The following CFAP61 variants were observed in gnomAD, a reference collection of about 807,000 sequenced individuals.
CFAP61 encodes the protein cilia- and flagella-associated protein 61.
In CFAP61, 107 loss-of-function variants were observed where a neutral mutation model predicts 135.6. The observed-to-expected ratio is 0.79, with a 90% CI of 0.67 to 0.93. The LOEUF is 0.93. Among genes scored for constraint, CFAP61 ranks in the 40% least tolerant of loss-of-function variants. The pLI is 0.00. For missense variants in CFAP61, 1,507 were observed against 1,556.2 expected (o/e 0.97, Z 0.53); for synonymous variants, 575 against 578.5 (o/e 0.99, Z 0.09).
intron 17 of CFAP61, 143 bp downstream of exon 17, chr20:20,200,045 C>CGCGAAGGCTCCCCTGCAGCCCT: frequency 1.0e-6 from 1 of 968,098 alleles, no homozygotes; most frequent in South Asian, 1.6e-5. Flanking sequence ...GGCGGAGCCC[C>CGCGAAGGCTCCCCTGCAGCCCT]GCGAAGGCTC....
chr20:20,056,318 C>A (rs1004204799), intron 1 of CFAP61, among the ~76,000 whole-genome samples: 1 of 152,228 alleles, frequency 6.6e-6, no homozygotes, highest in Non-Finnish European at 1.5e-5. Flanking sequence ...GACCCTGAAT[C>A]CGTAAATAAT....
chr20:20,066,945 A>T (rs1168911911), intron 2 of CFAP61, among the ~76,000 whole-genome samples: 1 of 152,140 alleles, frequency 6.6e-6, no homozygotes, highest in African/African-American at 2.4e-5. Flanking sequence ...GATGATGTAA[A>T]CATTGACTTC....
chr20:20,153,825 A>G (rs2052652507), intron 9 of CFAP61, among the ~76,000 whole-genome samples: 1 of 152,150 alleles, frequency 6.6e-6, no homozygotes, highest in African/African-American at 2.4e-5. Context: ...GTTCCAGAAG[A>G]TAAAGAAAGA....
chr20:20,215,110 A>G (rs1295124332), intron 17 of CFAP61: 1 of 151,968 alleles, frequency 6.6e-6, no homozygotes. Flanking sequence ...TTGCATGTTG[A>G]GATTGTGTTG....
chr20:20,059,429 C>CTA (rs1568796962), intron 2 of CFAP61, among the ~76,000 whole-genome samples: 1 of 149,866 alleles, frequency 6.7e-6, no homozygotes, highest in Non-Finnish European at 1.5e-5. Flanking sequence ...CCAACCTGGC[C>CTA]TATATGGCAA....
chr20:20,150,028 G>T (rs973570408), intron 9 of CFAP61, among the ~76,000 whole-genome samples: 1 of 152,134 alleles, frequency 6.6e-6, no homozygotes, highest in Non-Finnish European at 1.5e-5. Flanking sequence ...TAAACTTGTC[G>T]CTCTTAGCAG....
At chr20:20,282,357 C>G (rs2054259560) in intron 22 of CFAP61, among the ~76,000 whole-genome samples, 2 of 152,030 alleles carry the variant, frequency 1.3e-5, no homozygotes, top group African/African-American at 4.8e-5. Flanking sequence ...TTTGGATTTA[C>G]TTTACCCTTC....
intron 10 of CFAP61, 91 bp downstream of exon 10, chr20:20,159,535 C>T (rs111500774): frequency 4.8e-5 from 53 of 1,112,066 alleles, no homozygotes; most frequent in African/African-American, 4.5e-4. Context: ...CTTTCCTCCT[C>T]CCAATCTCCC....
At chr20:20,239,462 C>T (rs1277205405) in intron 18 of CFAP61, among the ~76,000 whole-genome samples, 1 of 152,132 alleles carries the variant, frequency 6.6e-6, no homozygotes, top group East Asian at 1.9e-4. Flanking sequence ...CCAGAAGGAC[C>T]TTTATGCCAC....
chr20:20,336,358 G>C (rs1461838275), intron 25 of CFAP61, among the ~76,000 whole-genome samples: 2 of 152,082 alleles, frequency 1.3e-5, no homozygotes, highest in Non-Finnish European at 2.9e-5. Flanking sequence ...AGAAAATTTT[G>C]GGCCAGGCCT....
chr20:20,059,822 A>G (rs1452790478), intron 2 of CFAP61, among the ~76,000 whole-genome samples: 1 of 150,988 alleles, frequency 6.6e-6, no homozygotes, highest in East Asian at 1.9e-4. Context: ...CTCAACACAA[A>G]GAGAAAAAAT....
At chr20:20,087,201 T>A (rs11906523) in intron 6 of CFAP61, among the ~76,000 whole-genome samples, 7,112 of 152,156 alleles carry the variant, frequency 0.047, 553 homozygotes, top group African/African-American at 0.16. Flanking sequence ...GTATATTGCA[T>A]GATGCTGAGA....
At chr20:20,162,690 A>T (rs77937047) in intron 10 of CFAP61, among the ~76,000 whole-genome samples, 1,715 of 152,338 alleles carry the variant, frequency 0.011, 36 homozygotes, top group African/African-American at 0.04. Flanking sequence ...GAGGGGAGAA[A>T]AAAGGAAGCT....
chr20:20,209,879 A>G (rs1301947780), intron 17 of CFAP61, among the ~76,000 whole-genome samples: 1 of 152,030 alleles, frequency 6.6e-6, no homozygotes, highest in Non-Finnish European at 1.5e-5. Context: ...CTGAGTTCAG[A>G]ACATCAGCTT....
intron 21 of CFAP61, among the ~76,000 whole-genome samples, chr20:20,267,251 C>A (rs1272231049): frequency 1.3e-5 from 2 of 152,074 alleles, no homozygotes; most frequent in Non-Finnish European, 2.9e-5. Context: ...ACTGGGCCAA[C>A]AACGTGGGCT....
chr20:20,119,381 G>C (rs984647883), intron 8 of CFAP61, among the ~76,000 whole-genome samples: 9 of 151,974 alleles, frequency 5.9e-5, no homozygotes, highest in African/African-American at 2.2e-4. Context: ...ATTTTCTCTA[G>C]GTTTTCCAAT....
intron 22 of CFAP61, 148 bp downstream of exon 22, chr20:20,277,606 G>A (rs1374926234): frequency 1.3e-6 from 1 of 756,294 alleles, no homozygotes; most frequent in Non-Finnish European, 2.1e-6. Flanking sequence ...CTCTTGCTGG[G>A]TAACAACCCA....
intron 8 of CFAP61, among the ~76,000 whole-genome samples, chr20:20,132,308 A>G (rs996966088): frequency 6.6e-6 from 1 of 151,844 alleles, no homozygotes; most frequent in Non-Finnish European, 1.5e-5. Flanking sequence ...TATATGCCAC[A>G]TTTTCTTTAT....
chr20:20,073,338 G>C (rs2045851125), intron 3 of CFAP61, among the ~76,000 whole-genome samples: 1 of 152,188 alleles, frequency 6.6e-6, no homozygotes, highest in Non-Finnish European at 1.5e-5. Flanking sequence ...ATCAAAACAT[G>C]GTTTTCCTCT....
Sources: allele counts gnomAD v4.1 joint callset (sites outside exome capture counted in the v4.1 genomes callset), GRCh38; gene constraint gnomAD v4.1.1; transcripts MANE v1.5; gene names NCBI Gene and HGNC (gene_info 2026-07-23, HGNC 2026-07-21).